The following TCF20 variants were observed in gnomAD, a reference collection of about 807,000 sequenced individuals.
TCF20 encodes SPRE-binding protein.
A neutral mutation model predicts 148.6 loss-of-function variants in TCF20; 3 were observed. That is an observed-to-expected ratio of 0.02 (90% CI 0.01 to 0.05). The LOEUF (loss-of-function observed/expected upper bound fraction) is 0.05, where lower values mean the gene tolerates loss of function less well. TCF20 is among the 10% of genes least tolerant of loss of function. TCF20 has a pLI of 1.00. For synonymous variants in TCF20, 1,049 were observed against 909.5 expected, an observed-to-expected ratio of 1.15 and a Z score of -2.76; for missense variants, 2,350 against 2,429.3, an observed-to-expected ratio of 0.97 and a Z score of 0.69.
intron 1 of TCF20, among the ~76,000 whole-genome samples, chr22:42,251,994 G>A (rs540869560): frequency 5.3e-5 from 8 of 151,060 alleles, no homozygotes; most frequent in Non-Finnish European, 8.8e-5. Flanking sequence ...ACCTGAGGTC[G>A]GGAGTTTGAG....
At position 42,211,099 on chromosome 22, in the gene TCF20, C is replaced by T; in HGVS notation, c.4207G>A (p.Ala1403Thr). The change falls in exon 2 of 6, where the codon GCT becomes ACT. Residue 1403 changes from alanine (A) to threonine (T), a missense_variant. Ala to Thr is a moderately conservative substitution (Grantham distance 58, BLOSUM62 0). Transcript: ENST00000677622. ...TCACCTTTTCTCTTCTCTATGTCAG[C>T]ATCCTGAACAGCAACACTCCCACCT... ...PEGGSVAVQD[A>T]DIEKRKGEVA... 1 of 1,614,188 alleles carries T rather than the reference C, an allele frequency of 6.2e-7. No homozygotes were observed. Among genetic ancestry groups the T allele is most frequent in the South Asian group, 1.1e-5 (1 of 91,086 alleles).
At chr22:42,245,953 T>C (rs1264602573) in intron 1 of TCF20, among the ~76,000 whole-genome samples, 2 of 152,082 alleles carry the variant, frequency 1.3e-5, no homozygotes, top group Non-Finnish European at 2.9e-5. Flanking sequence ...ATGATCTAGT[T>C]GTCTGTTTCC....
chr22:42,169,229 C>T (rs1347385897), intron 4 of TCF20, among the ~76,000 whole-genome samples: 1 of 152,042 alleles, frequency 6.6e-6, no homozygotes, highest in Admixed American at 6.6e-5. Context: ...GGCTCCTTCT[C>T]CATATACACC....
upstream of TCF20, among the ~76,000 whole-genome samples, chr22:42,285,289 C>T (rs1927007764): frequency 6.6e-6 from 1 of 152,058 alleles, no homozygotes; most frequent in African/African-American, 2.4e-5. The surrounding 1 kb of genome is among the most constrained non-coding windows in gnomAD (Gnocchi z 4.2). Context: ...CTGGTTATCT[C>T]ATTTCATCCT....
chr22:42,293,620 G>A (rs1927172822), intron 1 of TCF20, among the ~76,000 whole-genome samples: 1 of 152,194 alleles, frequency 6.6e-6, no homozygotes. Flanking sequence ...AGGAGGCCTG[G>A]GGCACCTTAA....
At chr22:42,255,828 A>G (rs1925711098) in intron 1 of TCF20, among the ~76,000 whole-genome samples, 1 of 152,056 alleles carries the variant, frequency 6.6e-6, no homozygotes, top group South Asian at 2.1e-4. Flanking sequence ...TCTCTTCACA[A>G]AACTTTGTTC....
chr22:42,332,452 G>A (rs968455147), intron 1 of TCF20, among the ~76,000 whole-genome samples: 1 of 152,200 alleles, frequency 6.6e-6, no homozygotes, highest in African/African-American at 2.4e-5. Flanking sequence ...CTCTGGGTTC[G>A]ACGGGGAGAG....
chr22:42,216,880 CTCAGAG>C (rs1474542102), intron 1 of TCF20, among the ~76,000 whole-genome samples: 1 of 152,142 alleles, frequency 6.6e-6, no homozygotes, highest in African/African-American at 2.4e-5. Flanking sequence ...GGCCTGTCTC[CTCAGAG>C]TCAGAGATGA....
In TCF20 at chr22:42,252,760, C is replaced by CT. The variant is rs1201062448; in HGVS notation, c.-37+17578dup. 2.0e-5 allele frequency among the ~76,000 whole-genome samples: 3 copies of CT among 152,142 alleles called. No homozygotes were observed. The East Asian group carries it at 5.8e-4, about 29-fold the overall frequency. On this transcript the variant is annotated intron_variant, in intron 1 of 5. Coordinates refer to ENST00000677622, the MANE Select transcript of TCF20 (RefSeq NM_001378418.1). Reference sequence around the variant, plus strand: ...AGCCACGGTGCCCAGCCTTTAAAAGCTTTTTTAACTGAAACACTAGAGTAA... The same window carrying CT: ...AGCCACGGTGCCCAGCCTTTAAAAGCTTTTTTTAACTGAAACACTAGAGTAA...
chr22:42,227,549 C>T (rs1923025818), intron 1 of TCF20, among the ~76,000 whole-genome samples: 1 of 152,232 alleles, frequency 6.6e-6, no homozygotes, highest in South Asian at 2.1e-4. Flanking sequence ...TGATACTACA[C>T]TCTCAATCCA....
Position 42,215,282 on chromosome 22 carries a change from G to A in TCF20, c.24C>T (p.Ser8=). The change falls in exon 2 of 6, where the codon AGC becomes AGT. Residue 8 remains serine (S), a synonymous_variant. Coordinates refer to ENST00000677622, the MANE Select transcript of TCF20 (RefSeq NM_001378418.1). The part of the protein sequence containing the change: MQSFREQ[S]SYHGNQQSYP... Reference sequence around the variant, plus strand: ...AGCTTTGCTGGTTTCCGTGGTAACTGCTTTGCTCCCGAAAGGACTGCATAC... The same window carrying A: ...AGCTTTGCTGGTTTCCGTGGTAACTACTTTGCTCCCGAAAGGACTGCATAC... 4 of 1,613,878 alleles carry A rather than the reference G, an allele frequency of 2.5e-6. No individual in the cohort carries two copies. In the South Asian group the frequency reaches 3.3e-5, roughly 13 times the overall value.
intron 1 of TCF20, among the ~76,000 whole-genome samples, chr22:42,261,008 C>T (rs1309196087): frequency 6.6e-6 from 1 of 152,198 alleles, no homozygotes; most frequent in Non-Finnish European, 1.5e-5. Context: ...CACATCTTCT[C>T]TTGGTCAATC....
chr22:42,294,756 G>A (rs936254944), intron 1 of TCF20, among the ~76,000 whole-genome samples: 2 of 152,248 alleles, frequency 1.3e-5, no homozygotes, highest in African/African-American at 4.8e-5. Flanking sequence ...GAGGCTCAGA[G>A]GTGGGCAGTG....
intron 1 of TCF20, among the ~76,000 whole-genome samples, chr22:42,333,553 G>A (rs879575740): frequency 2.0e-5 from 3 of 152,224 alleles, no homozygotes; most frequent in Non-Finnish European, 4.4e-5. Context: ...CCTCAGTTTC[G>A]GTAAGGAACC....
chr22:42,227,313 C>A (rs1032076893), intron 1 of TCF20, among the ~76,000 whole-genome samples: 5 of 152,114 alleles, frequency 3.3e-5, no homozygotes, highest in African/African-American at 1.2e-4. Context: ...TTCAAATGTA[C>A]AGAAAAGTGC....
intron 1 of TCF20, among the ~76,000 whole-genome samples, chr22:42,241,513 CCATT>C (rs1387392260): frequency 6.6e-6 from 1 of 152,168 alleles, no homozygotes; most frequent in Non-Finnish European, 1.5e-5. Context: ...TAAGAACTAT[CCATT>C]GAGTTATTAA....
chr22:42,260,369 A>C (rs1360066756), intron 1 of TCF20, among the ~76,000 whole-genome samples: 2 of 152,234 alleles, frequency 1.3e-5, no homozygotes, highest in African/African-American at 4.8e-5. Context: ...TTAGGAAGGC[A>C]ATTGACATAA....
chr22:42,212,694 G>C lies in TCF20; in HGVS notation c.2612C>G (p.Ser871Cys). ...GTCCCTGACAATCTGTCTTAGTGGA[G>C]AAATATCACAGATCACTGATCTTCT... is the stretch of plus-strand genomic sequence containing the variant. ...SERRSVICDI[S>C]PLRQIVRDPG... The change falls in exon 2 of 6, where the codon TCT becomes TGT. Residue 871 changes from serine to cysteine, a missense_variant. Transcript: ENST00000677622. 1 of 1,614,196 alleles carries C rather than the reference G, an allele frequency of 6.2e-7. No homozygotes were observed.
intron 1 of TCF20, among the ~76,000 whole-genome samples, chr22:42,248,775 A>G (rs1925124867): frequency 6.6e-6 from 1 of 152,224 alleles, no homozygotes; most frequent in South Asian, 2.1e-4. Flanking sequence ...GTTGTACACA[A>G]TAGTTACACC....
Sources: gnomAD v4.1 joint callset for allele counts (sites outside exome capture counted in the v4.1 genomes callset) on GRCh38, gnomAD v4.1.1 for gene constraint, Gnocchi (gnomAD v3.1) non-coding constraint, MANE v1.5 for transcripts, NCBI Gene and HGNC (gene_info 2026-07-23, HGNC 2026-07-21) for gene names.